Variants in EPHB2 observed in about 807,000 individuals in gnomAD.
EPHB2 encodes the protein ephrin type-B receptor 2.
EPHB2 carries 18 observed loss-of-function variants against 96.4 expected under a neutral mutation model. The ratio of observed to expected loss-of-function variants is 0.19; its 90% CI spans 0.13 to 0.28. EPHB2 has a LOEUF of 0.28. Among genes scored for constraint, EPHB2 ranks in the 10% least tolerant of loss-of-function variants. The probability of loss-of-function intolerance (pLI) is 1.00; values close to 1 mark genes in which losing one functional copy is unlikely to be tolerated. For synonymous variants in EPHB2, 506 were observed against 534.1 expected, an observed-to-expected ratio of 0.95 and a Z score of 0.72; for missense variants, 989 against 1,355.4, an observed-to-expected ratio of 0.73 and a Z score of 4.25.
At chr1:22,820,572 A>T (rs1016859142) in intron 3 of EPHB2, among the ~76,000 whole-genome samples, 3 of 152,166 alleles carry the variant, frequency 2.0e-5, no homozygotes, top group African/African-American at 7.2e-5. Context: ...CTGAGGTGGG[A>T]GGATCACTTG....
intron 3 of EPHB2, among the ~76,000 whole-genome samples, chr1:22,857,370 G>A (rs1054609200): frequency 4.6e-5 from 7 of 152,044 alleles, no homozygotes; most frequent in Admixed American, 6.6e-5. Flanking sequence ...AGGGCAGGCC[G>A]CCTAAAAGTG....
At chr1:22,836,555 C>A (rs560800216) in intron 3 of EPHB2, 2 of 152,364 alleles carry the variant, frequency 1.3e-5, no homozygotes, top group East Asian at 3.9e-4. Context: ...CAGGTAAGGT[C>A]TTAACAGCCA....
At chr1:22,872,919 A>T (rs1638720127) in intron 5 of EPHB2, among the ~76,000 whole-genome samples, 1 of 152,184 alleles carries the variant, frequency 6.6e-6, no homozygotes, top group Non-Finnish European at 1.5e-5. Context: ...GAGGTTCGAG[A>T]GGGAGATAGA....
rs768013471 is a variant in EPHB2 at position 22,913,526 on chromosome 1, G to C, written c.2917G>C (p.Val973Leu). The C allele has an allele frequency of 6.2e-7, 1 of 1,614,220 alleles. No individual in the cohort carries two copies. The highest frequency in any genetic ancestry group is 8.5e-7 in the Non-Finnish European group (1 of 1,180,038). ...HQKKILNSIQVMRAQMNQIQS... is the reference protein window; with the variant it reads ...HQKKILNSIQLMRAQMNQIQS... ...GAAAAAAATCCTGAACAGTATCCAG[G>C]TGATGCGGGCGCAGATGAACCAGAT... Residue 973 changes from valine to leucine, a missense_variant, in exon 16 of 16, where the codon GTG becomes CTG. Transcript: ENST00000374630. This position sits in a 1 kb window ranked among gnomAD's most constrained non-coding sequence, Gnocchi z 4.1.
rs752147967 is a variant in EPHB2, at chr1:22,892,907, A to G, written c.1452A>G (p.Thr484=). Residue 484 remains threonine (T), a synonymous_variant, in exon 7 of 16, where the codon ACA becomes ACG. Coordinates refer to ENST00000374630, the MANE Select transcript of EPHB2 (RefSeq NM_017449.5). ...AGGAGCTCAGTGAGTACAACGCCAC[A>G]GCCATAAAAAGCCCCACCAACACGG... ...YEKELSEYNA[T]AIKSPTNTVT... 1.9e-6 allele frequency: 3 copies of G among 1,614,204 alleles called. No homozygotes were observed. The South Asian group carries it at 3.3e-5, about 18-fold the overall frequency.
rs187783085 is a variant in EPHB2 at position 22,792,312 on chromosome 1, C to T, written c.811+7236C>T. ...TGGAATGCTGGGTGGGAGGGGAGGCCCAGACCCCCACATAGAAATTCTGCT... is the reference window on the plus strand; with the variant it reads ...TGGAATGCTGGGTGGGAGGGGAGGCTCAGACCCCCACATAGAAATTCTGCT... On this transcript the variant is annotated intron_variant, in intron 3 of 15. Transcript: ENST00000374630. Among the ~76,000 whole-genome samples, 242 of 152,094 alleles carry T rather than the reference C, an allele frequency of 1.6e-3. 1 individual carries two copies. The highest frequency in any genetic ancestry group is 5.6e-3 in the African/African-American group (233 of 41,474).
rs528896972 is a variant in EPHB2, at chr1:22,858,064, G to A, written c.812-4973G>A. On this transcript the variant is annotated intron_variant, in intron 3 of 15. Coordinates refer to ENST00000374630, the MANE Select transcript of EPHB2 (RefSeq NM_017449.5). This position sits in a 1 kb window ranked among gnomAD's most constrained non-coding sequence, Gnocchi z 7.7. ...TTGCTTTAGCCAGGGTGGTCAGGGT[G>A]GGCCTCTCGGAGGAGGTGGCATTTA... 7.2e-5 allele frequency among the ~76,000 whole-genome samples: 11 copies of A among 152,284 alleles called. No homozygotes were observed. The highest frequency in any genetic ancestry group is 6.2e-4 in the South Asian group (3 of 4,814).
intron 3 of EPHB2, among the ~76,000 whole-genome samples, chr1:22,861,755 G>T (rs2148522106): frequency 6.6e-6 from 1 of 152,292 alleles, no homozygotes; most frequent in Middle Eastern, 3.4e-3. Flanking sequence ...CTAAGACTTG[G>T]ACTGGGAAGA....
In EPHB2 at chr1:22,908,078, C is replaced by T. The variant is rs1302246666; in HGVS notation, c.2262C>T (p.Val754=). 2 of 1,614,128 alleles carry T rather than the reference C, an allele frequency of 1.2e-6. No homozygotes were observed. The highest frequency in any genetic ancestry group is 1.7e-5 in the Admixed American group (1 of 60,010). ...ACCTGGCTGCCCGCAACATCCTCGT[C>T]AACAGCAACCTGGTCTGCAAGGTGT... ...HRDLAARNIL[V]NSNLVCKVSD... is the part of the protein sequence containing the mutation. Residue 754 remains valine, a synonymous_variant, in exon 12 of 16, where the codon GTC becomes GTT. Coordinates refer to ENST00000374630, the MANE Select transcript of EPHB2 (RefSeq NM_017449.5).
intron 1 of EPHB2, among the ~76,000 whole-genome samples, chr1:22,743,550 A>G (rs1440448071): frequency 6.6e-6 from 1 of 152,118 alleles, no homozygotes; most frequent in Non-Finnish European, 1.5e-5. Flanking sequence ...GGCTCACTGC[A>G]ACCTCCACCT....
chr1:22,908,419 G>C (rs890364856), intron 12 of EPHB2, among the ~76,000 whole-genome samples: 7 of 152,250 alleles, frequency 4.6e-5, no homozygotes, highest in Admixed American at 6.5e-5. Context: ...GCAGAGGAAG[G>C]CTTGCTAGAG....
intron 3 of EPHB2, among the ~76,000 whole-genome samples, chr1:22,789,654 C>T (rs554713533): frequency 3.9e-4 from 59 of 152,242 alleles, no homozygotes; most frequent in Admixed American, 2.9e-3. Context: ...CAGGGAGATA[C>T]GGAAATGAAC....
In EPHB2 at chr1:22,893,063, G is replaced by A. The variant is rs372692668; in HGVS notation, c.1591+17G>A. On this transcript the variant is annotated intron_variant, in intron 7 of 15. Coordinates refer to ENST00000374630, the MANE Select transcript of EPHB2 (RefSeq NM_017449.5). ...TGACAGAAGGTGAGCAGAGTCCAGCGGGCAAGAGGAGGGCACAGACTCCAC... is the reference window on the plus strand; with the variant it reads ...TGACAGAAGGTGAGCAGAGTCCAGCAGGCAAGAGGAGGGCACAGACTCCAC... 9.0e-5 allele frequency: 145 copies of A among 1,614,082 alleles called. No individual in the cohort carries two copies. The highest frequency in any genetic ancestry group is 6.0e-4 in the South Asian group (55 of 91,046).
At chr1:22,901,735 A>T (rs980577335) in intron 9 of EPHB2, among the ~76,000 whole-genome samples, 2 of 151,754 alleles carry the variant, frequency 1.3e-5, no homozygotes, top group African/African-American at 4.8e-5. Context: ...ACAAGTGGAG[A>T]CTCTGTAGCC....
At chr1:22,764,400 A>G (rs960255281) in intron 1 of EPHB2, among the ~76,000 whole-genome samples, 5 of 152,176 alleles carry the variant, frequency 3.3e-5, no homozygotes, top group Admixed American at 6.5e-5. Context: ...CAGCTCAGAA[A>G]GGGAAGCTCA....
At chr1:22,718,795 G>T (rs913852872) in intron 1 of EPHB2, among the ~76,000 whole-genome samples, 5 of 152,118 alleles carry the variant, frequency 3.3e-5, no homozygotes, top group African/African-American at 1.2e-4. Context: ...CCATTTTACA[G>T]ATGAGAAAAC....
At chr1:22,787,436 A>G (rs1043459167) in intron 3 of EPHB2, among the ~76,000 whole-genome samples, 1 of 152,206 alleles carries the variant, frequency 6.6e-6, no homozygotes, top group Non-Finnish European at 1.5e-5. Context: ...AGGTATATTC[A>G]TTACCTATTG....
chr1:22,721,290 G>A (rs28493134), intron 1 of EPHB2, among the ~76,000 whole-genome samples: 6,123 of 152,296 alleles, frequency 0.04, 181 homozygotes, highest in Middle Eastern at 0.065. Context: ...AGACAGTTGA[G>A]GGGGACCTGG....
At chr1:22,891,379 A>G in intron 6 of EPHB2, 1 of 347,074 alleles carries the variant, frequency 2.9e-6, no homozygotes, top group South Asian at 2.3e-5. Context: ...AAGCATTCAC[A>G]GATTTTCGTC....
Sources: allele counts gnomAD v4.1 joint callset (sites outside exome capture counted in the v4.1 genomes callset), GRCh38; gene constraint gnomAD v4.1.1; non-coding constraint Gnocchi (gnomAD v3.1); transcripts MANE v1.5; gene names NCBI Gene and HGNC (gene_info 2026-07-23, HGNC 2026-07-21).